The following DARS1 variants were observed in gnomAD, a reference collection of about 807,000 sequenced individuals.
DARS1 encodes aspartate--tRNA ligase, cytoplasmic.
Under a neutral mutation model 68.8 loss-of-function variants are expected in DARS1, and 51 were observed. The observed-to-expected ratio is 0.74, with a 90% CI of 0.59 to 0.94. The LOEUF (loss-of-function observed/expected upper bound fraction) is 0.94. DARS1 is among the 40% of genes least tolerant of loss of function. DARS1 has a pLI of 0.00. For missense variants in DARS1, 607 were observed against 597.3 expected (o/e 1.02, Z -0.17); for synonymous variants, 203 against 190.4 (o/e 1.07, Z -0.55).
chr2:135,985,471 G>A lies in DARS1; in HGVS notation c.-3C>T, dbSNP rs1682757896. 1.9e-6 allele frequency: 3 copies of A among 1,614,000 alleles called. No homozygotes were observed. The African/African-American group carries it at 4.0e-5, about 22-fold the overall frequency. ...CGGCTGGCGCTGGCGCTGGGCATCG[G>A]GACACGGAACTGGGCAGTGGACACC... On this transcript the variant is annotated 5_prime_UTR_variant, in exon 1 of 16. Coordinates refer to ENST00000264161, the MANE Select transcript of DARS1 (RefSeq NM_001349.4).
chr2:135,912,496 G>T lies in DARS1; in HGVS notation c.1220C>A (p.Pro407Gln). 9.3e-7 allele frequency: 1 copy of T among 1,078,728 alleles called. No homozygotes were observed. The highest frequency in any genetic ancestry group is 1.4e-6 in the Non-Finnish European group (1 of 713,266). 66.8% of individuals were successfully genotyped at this position (1,078,728 alleles called of 1,614,324 possible). ...AVRPFYTMPD[P>Q]RNPKQSNSYD... Reference sequence around the variant, plus strand: ...AACCAAATTACTTACGGGATTTCTTGGGTCAGGCATGGTATAGAAAGGTCT... The same window carrying T: ...AACCAAATTACTTACGGGATTTCTTTGGTCAGGCATGGTATAGAAAGGTCT... The change falls in exon 13 of 16, where the codon CCA (proline) becomes CAA (glutamine). Residue 407 changes from proline to glutamine, a missense_variant. Transcript: ENST00000264161.
At chr2:135,913,894 T>C (rs1680948078) in intron 12 of DARS1, among the ~76,000 whole-genome samples, 1 of 152,244 alleles carries the variant, frequency 6.6e-6, no homozygotes, top group South Asian at 2.1e-4. Flanking sequence ...AACTGAATAT[T>C]GTATGACTTC....
intron 5 of DARS1, among the ~76,000 whole-genome samples, chr2:135,937,576 T>C (rs1681498045): frequency 6.6e-6 from 1 of 152,252 alleles, no homozygotes; most frequent in Non-Finnish European, 1.5e-5. Context: ...ATGCAGTTTC[T>C]TCCTAGCATC....
intron 3 of DARS1, among the ~76,000 whole-genome samples, chr2:135,974,346 T>C (rs1166660892): frequency 6.6e-6 from 1 of 152,240 alleles, no homozygotes; most frequent in East Asian, 1.9e-4. Context: ...GAATATGCAG[T>C]CCACGAATAA....
Position 135,907,096 on chromosome 2 carries a change from ATC to A in DARS1, c.*218_*219del. 3.1e-6 allele frequency: 1 copy of A among 320,076 alleles called. No homozygotes were observed. The highest frequency in any genetic ancestry group is 5.7e-6 in the Non-Finnish European group (1 of 174,606). The allele number at this position is 320,076 out of a possible 1,614,324, so 19.8% of individuals were successfully genotyped here. A position where few individuals can be genotyped will look rare whatever the true frequency, so the allele number is the denominator to read the frequency against. ...CTGATGCATGTCTGAAGTTATAAAA[ATC>A]TCTTTTAAACGAACCTATACTGAAT... On this transcript the variant is annotated 3_prime_UTR_variant, in exon 16 of 16. Coordinates refer to ENST00000264161, the MANE Select transcript of DARS1 (RefSeq NM_001349.4).
chr2:135,922,949 T>C (rs1681136721), intron 8 of DARS1, 31 bp from the exon 9 acceptor site: 1 of 1,467,592 alleles, frequency 6.8e-7, no homozygotes. Context: ...TTTATATTAT[T>C]ATAATCAATT....
At chr2:135,932,331 C>G (rs988966756) in intron 7 of DARS1, among the ~76,000 whole-genome samples, 1 of 152,176 alleles carries the variant, frequency 6.6e-6, no homozygotes, top group Admixed American at 6.5e-5. Context: ...GCATAAACCA[C>G]CAGAGCCAAC....
At chr2:135,950,611 C>A (rs1033147881) in intron 4 of DARS1, among the ~76,000 whole-genome samples, 5 of 152,166 alleles carry the variant, frequency 3.3e-5, no homozygotes, top group African/African-American at 1.2e-4. Flanking sequence ...GAATACTAAG[C>A]AATGGAACTC....
chr2:135,973,581 G>A (rs754602609), intron 3 of DARS1, among the ~76,000 whole-genome samples: 37 of 152,162 alleles, frequency 2.4e-4, no homozygotes, highest in African/African-American at 5.1e-4. Context: ...ACTGGGTGTC[G>A]TGGTGGCTCA....
At position 135,979,370 on chromosome 2, in the gene DARS1, TA is replaced by T; in HGVS notation, c.125-5del. The T allele has an allele frequency of 8.7e-7, 1 of 1,154,308 alleles. No homozygotes were observed. Among genetic ancestry groups the T allele is most frequent in the Non-Finnish European group, 1.3e-6 (1 of 768,456 alleles). 71.5% of individuals were successfully genotyped at this position (1,154,308 alleles called of 1,614,324 possible). A position where few individuals can be genotyped will look rare whatever the true frequency, so the allele number is the denominator to read the frequency against. ...CTAACCCGAACCAAAACTCGATCTG[TA>T]ATAACAGTAAACGATTTTTATATAG... On this transcript the variant is annotated splice_region_variant and splice_polypyrimidine_tract_variant and intron_variant, in intron 2 of 15. Transcript: ENST00000264161.
chr2:135,953,123 G>A (rs772671924), intron 4 of DARS1, among the ~76,000 whole-genome samples: 2 of 152,080 alleles, frequency 1.3e-5, no homozygotes, highest in Non-Finnish European at 2.9e-5. Flanking sequence ...TTAGGAATGC[G>A]TATGTCACAT....
chr2:135,961,623 T>C, intron 3 of DARS1, 125 bp from the exon 4 acceptor site: 1 of 624,424 alleles, frequency 1.6e-6, no homozygotes, highest in South Asian at 2.0e-5. Flanking sequence ...CACGCATGCA[T>C]GTGTATACTA....
In DARS1 at chr2:135,943,362, T is replaced by A; in HGVS notation, c.423+16A>T. The A allele has an allele frequency of 6.2e-7, 1 of 1,604,012 alleles. No homozygotes were observed. Among genetic ancestry groups the A allele is most frequent in the Non-Finnish European group, 8.5e-7 (1 of 1,176,272 alleles). On this transcript the variant is annotated intron_variant, in intron 5 of 15. Coordinates refer to ENST00000264161, the MANE Select transcript of DARS1 (RefSeq NM_001349.4). The stretch of plus-strand genomic sequence containing the variant: ...ATCTATTTCTATATGCGATTTTATA[T>A]TTTGAAAAAACTTACCTTCTGAACA...
chr2:135,941,455 T>C (rs1681594507), intron 5 of DARS1, among the ~76,000 whole-genome samples: 1 of 152,080 alleles, frequency 6.6e-6, no homozygotes, highest in South Asian at 2.1e-4. Context: ...TGGCTAGCCA[T>C]ATGTAGAAAG....
At chr2:135,909,867 A>G (rs1462559476) in intron 15 of DARS1, among the ~76,000 whole-genome samples, 2 of 152,188 alleles carry the variant, frequency 1.3e-5, no homozygotes, top group African/African-American at 4.8e-5. Flanking sequence ...GAGTGCCAAC[A>G]TGATACTCAA....
At chr2:135,911,298 TAA>T in intron 14 of DARS1, 82 bp downstream of exon 14, 1 of 851,520 alleles carries the variant, frequency 1.2e-6, no homozygotes, top group Non-Finnish European at 2.0e-6. Context: ...TGGAGATTTT[TAA>T]AAAGACTGAG....
chr2:135,908,562 C>A (rs1680833776), intron 15 of DARS1, among the ~76,000 whole-genome samples: 1 of 152,214 alleles, frequency 6.6e-6, no homozygotes. Flanking sequence ...TTCTCTGCAA[C>A]CTTGTCAGCA....
At chr2:135,956,993 G>A (rs1681990425) in intron 4 of DARS1, among the ~76,000 whole-genome samples, 1 of 151,920 alleles carries the variant, frequency 6.6e-6, no homozygotes, top group Admixed American at 6.6e-5. Flanking sequence ...TTGAACTCCT[G>A]ACCTCAGATG....
In DARS1 at chr2:135,943,402, T is replaced by C; in HGVS notation, c.399A>G (p.Gln133=). The part of the protein sequence containing the change: ...VNQKIGSCTQ[Q]DVELHVQKIY... ...CCTTCTGAACATGTAACTCAACGTC[T>C]TGCTGTGTACAGCTTCCAATTTTCT... is the stretch of plus-strand genomic sequence containing the variant. Residue 133 remains glutamine (Q), a synonymous_variant, in exon 5 of 16, where the codon CAA becomes CAG. Coordinates refer to ENST00000264161, the MANE Select transcript of DARS1 (RefSeq NM_001349.4). The C allele has an allele frequency of 1.2e-6, 2 of 1,613,522 alleles. No homozygotes were observed. The highest frequency in any genetic ancestry group is 1.7e-6 in the Non-Finnish European group (2 of 1,179,734).
Sources: allele counts gnomAD v4.1 joint callset (sites outside exome capture counted in the v4.1 genomes callset), GRCh38; gene constraint gnomAD v4.1.1; transcripts MANE v1.5; gene names NCBI Gene and HGNC (gene_info 2026-07-23, HGNC 2026-07-21).